APOOL: variants seen among roughly 807,000 people sequenced by gnomAD.
The protein encoded by APOOL is MICOS complex subunit MIC27.
A neutral mutation model predicts 23.1 loss-of-function variants in APOOL; 12 were observed. The ratio of observed to expected loss-of-function variants is 0.52; its 90% CI spans 0.33 to 0.84. The LOEUF is 0.84. APOOL is among the 40% of genes least tolerant of loss of function. The pLI, the probability that APOOL is intolerant of heterozygous loss-of-function variation, is 0.02. For missense variants in APOOL, 212 were observed against 199.6 expected, an observed-to-expected ratio of 1.06 and a Z score of -0.37; for synonymous variants, 77 against 69.9, an observed-to-expected ratio of 1.10 and a Z score of -0.51.
intron 1 of APOOL, among the ~76,000 whole-genome samples, chrX:85,043,238 A>G (rs1386945904): frequency 9.0e-6 from 1 of 111,622 alleles, no homozygotes. Flanking sequence ...ATTTCGAGTT[A>G]CAAATAGTTT....
chrX:85,032,865 T>TAA (rs1922089630), intron 1 of APOOL, among the ~76,000 whole-genome samples: 1 of 111,980 alleles, frequency 8.9e-6, no homozygotes, highest in Non-Finnish European at 1.9e-5. Flanking sequence ...TGATGAACGT[T>TAA]ATATCTTGAA....
intron 1 of APOOL, among the ~76,000 whole-genome samples, chrX:85,019,296 C>A (rs190418904): frequency 1.9e-4 from 21 of 111,996 alleles, no homozygotes; most frequent in African/African-American, 6.2e-4. Context: ...GAGGGCTCTG[C>A]CCTCACAAAT....
intron 1 of APOOL, among the ~76,000 whole-genome samples, chrX:85,023,459 A>G (rs1226112613): frequency 5.4e-5 from 6 of 111,912 alleles, no homozygotes; most frequent in Non-Finnish European, 1.1e-4. Flanking sequence ...GAGAATTCAT[A>G]TTATTAAAAT....
rs183099644 is a variant in APOOL at position 85,083,336 on chromosome X, T to A, written c.719-4254T>A. 4.5e-4 allele frequency among the ~76,000 whole-genome samples: 50 copies of A among 111,274 alleles called. No homozygotes were observed. The East Asian group carries it at 0.013, about 28-fold the overall frequency. On this transcript the variant is annotated intron_variant, in intron 8 of 8. Transcript: ENST00000373173. ...GAAAAGGACTTTACAATAACTATAA[T>A]TAATATATTAAATAGAAAAAAAGAT...
chrX:85,024,366 T>A (rs899697559), intron 1 of APOOL, among the ~76,000 whole-genome samples: 2 of 111,933 alleles, frequency 1.8e-5, no homozygotes, highest in Non-Finnish European at 3.8e-5. Context: ...ATTTGTGGAG[T>A]TCTCTTTGTC....
chrX:85,034,522 A>G (rs1159659456), intron 1 of APOOL, among the ~76,000 whole-genome samples: 1 of 110,797 alleles, frequency 9.0e-6, no homozygotes, highest in Non-Finnish European at 1.9e-5. Flanking sequence ...GTTTGTTACA[A>G]GAGTATATTG....
intron 1 of APOOL, among the ~76,000 whole-genome samples, chrX:85,012,650 A>T (rs1371078675): frequency 8.9e-6 from 1 of 111,867 alleles, no homozygotes; most frequent in Non-Finnish European, 1.9e-5. Context: ...GTGATGTATC[A>T]CGTTTATTGA....
rs192602382 is a variant in APOOL, at chrX:85,016,971, G to T, written c.15+13044G>T. ...AGGTAACACATTCAAGATAACACCA[G>T]CTGTGGTAGCAGTAGTGGGATATAA... On this transcript the variant is annotated intron_variant, in intron 1 of 8. Transcript: ENST00000373173. Among the ~76,000 whole-genome samples, 702 of 112,505 alleles carry T rather than the reference G, an allele frequency of 6.2e-3. 4 individuals carry two copies. Among genetic ancestry groups the T allele is most frequent in the African/African-American group, 0.022 (678 of 30,991 alleles).
rs1924466964 is a variant in APOOL at position 85,089,470 on chromosome X, GCTCT to G, written c.*1795_*1798del. ...CTCCTTGAGACTCACTTATCCCTTT[GCTCT>G]CTATTTTTCCTGCTTTTGTTATTCT... On this transcript the variant is annotated 3_prime_UTR_variant, in exon 9 of 9. Transcript: ENST00000373173. 9.0e-6 allele frequency: 1 copy of G among 111,089 alleles called. No individual in the cohort carries two copies. Among genetic ancestry groups the G allele is most frequent in the African/African-American group, 3.3e-5 (1 of 30,535 alleles). 9.2% of individuals were successfully genotyped at this position (111,089 alleles called of 1,213,427 possible).
At chrX:85,004,434 C>T (rs1395530994) in intron 1 of APOOL, among the ~76,000 whole-genome samples, 3 of 111,666 alleles carry the variant, frequency 2.7e-5, no homozygotes, top group African/African-American at 6.5e-5. Context: ...GCTCGAATAA[C>T]CTGTTCCTTT....
At chrX:85,054,524 A>G (rs1044540383) in intron 4 of APOOL, 126 bp downstream of exon 4, 3 of 430,819 alleles carry the variant, frequency 7.0e-6, no homozygotes, top group Non-Finnish European at 7.2e-6. Context: ...TACTCTCTAT[A>G]GCAATTTATT....
At chrX:85,071,621 A>G (rs1022079234) in intron 6 of APOOL, among the ~76,000 whole-genome samples, 3 of 111,664 alleles carry the variant, frequency 2.7e-5, no homozygotes, top group Non-Finnish European at 5.6e-5. Context: ...AGATAGGAAC[A>G]GCTTTCTTAA....
rs1420737624 is a variant in APOOL at position 85,036,838 on chromosome X, C to T, written c.16-9608C>T. Among the ~76,000 whole-genome samples the T allele has an allele frequency of 1.6e-4, 18 of 110,330 alleles. No homozygotes were observed. The Admixed American group carries it at 1.7e-3, about 11-fold the overall frequency. On this transcript the variant is annotated intron_variant, in intron 1 of 8. Coordinates refer to ENST00000373173, the MANE Select transcript of APOOL (RefSeq NM_198450.6). ...CTGTACCCAGTATGTAGTCTTTTTT[C>T]CCTTGCATCCCTCTCATCCTTCCCC...
chrX:85,076,556 G>A (rs772722818), intron 8 of APOOL, among the ~76,000 whole-genome samples: 1 of 110,429 alleles, frequency 9.1e-6, no homozygotes, highest in Admixed American at 9.8e-5. Context: ...GTAATGCCAG[G>A]GACATACTAA....
intron 5 of APOOL, among the ~76,000 whole-genome samples, chrX:85,066,860 A>G (rs1203185132): frequency 1.8e-5 from 2 of 110,525 alleles, no homozygotes; most frequent in East Asian, 5.7e-4. Context: ...TTTCAAGCAG[A>G]AGAAAATCAT....
At chrX:85,080,895 T>C (rs1455288783) in intron 8 of APOOL, among the ~76,000 whole-genome samples, 1 of 111,399 alleles carries the variant, frequency 9.0e-6, no homozygotes, top group African/African-American at 3.3e-5. Flanking sequence ...GTCTGTTTTA[T>C]TGGAGACTAG....
chrX:85,054,475 G>A, intron 4 of APOOL, 77 bp downstream of exon 4: 1 of 894,340 alleles, frequency 1.1e-6, no homozygotes, highest in Non-Finnish European at 1.6e-6. Flanking sequence ...AATAAACTTG[G>A]TATGTTACCC....
At chrX:85,039,331 G>A (rs1922334233) in intron 1 of APOOL, among the ~76,000 whole-genome samples, 1 of 109,797 alleles carries the variant, frequency 9.1e-6, no homozygotes, top group African/African-American at 3.3e-5. Context: ...AGGGCTGATT[G>A]TGTGGTCAAT....
rs1001018396 is a variant in APOOL, at chrX:85,091,347, T to C, written c.*3669T>C. On this transcript the variant is annotated 3_prime_UTR_variant, in exon 9 of 9. Transcript: ENST00000373173. Reference sequence around the variant, plus strand: ...CTGATCCAAGGTTTTAAAAAATTCATTTCAAATCCTGGAGATAAATTCTGA... The same window carrying C: ...CTGATCCAAGGTTTTAAAAAATTCACTTCAAATCCTGGAGATAAATTCTGA... The C allele has an allele frequency of 3.5e-5, 4 of 112,851 alleles. No homozygotes were observed. Among genetic ancestry groups the C allele is most frequent in the African/African-American group, 9.6e-5 (3 of 31,120 alleles). 9.3% of individuals were successfully genotyped at this position (112,851 alleles called of 1,213,427 possible). A position where few individuals can be genotyped will look rare whatever the true frequency, so the allele number is the denominator to read the frequency against.
Sources: allele counts gnomAD v4.1 joint callset (sites outside exome capture counted in the v4.1 genomes callset), GRCh38; gene constraint gnomAD v4.1.1; transcripts MANE v1.5; gene names NCBI Gene and HGNC (gene_info 2026-07-23, HGNC 2026-07-21).